Variants in EFHC1 observed in about 807,000 individuals in gnomAD.
EFHC1 encodes the protein EF-hand domain containing 1, also known as EF-hand domain-containing protein 1.
EFHC1 carries 53 observed loss-of-function variants against 69.9 expected under a neutral mutation model. That is an observed-to-expected ratio of 0.76 (90% CI 0.61 to 0.95). The LOEUF (loss-of-function observed/expected upper bound fraction) is 0.95. Ranked by LOEUF, EFHC1 falls within the 40% of genes least tolerant of loss-of-function variation. The pLI is 0.00. For missense variants in EFHC1, 739 were observed against 798.7 expected, an observed-to-expected ratio of 0.93 and a Z score of 0.90; for synonymous variants, 256 against 278.4, an observed-to-expected ratio of 0.92 and a Z score of 0.80.
chr6:52,488,198 G>A (rs1481849882), intron 9 of EFHC1: 1 of 152,130 alleles, frequency 6.6e-6, no homozygotes, highest in East Asian at 1.9e-4. Context: ...CAAGATTGAG[G>A]TTTGACTGCT....
rs963315400 is a variant in EFHC1 at position 52,436,990 on chromosome 6, C to T, written c.286-1314C>T. On this transcript the variant is annotated intron_variant, in intron 2 of 10. Coordinates refer to ENST00000371068, the MANE Select transcript of EFHC1 (RefSeq NM_018100.4). The stretch of plus-strand genomic sequence containing the variant: ...AATCTATATATTGATACCATGTTGA[C>T]TTCACATTGATGATGATGCTCCCCA... 1.3e-4 allele frequency among the ~76,000 whole-genome samples: 20 copies of T among 152,124 alleles called. 1 individual carries two copies. Among genetic ancestry groups the T allele is most frequent in the Admixed American group, 7.2e-4 (11 of 15,256 alleles).
chr6:52,486,107 A>G (rs938717945), intron 9 of EFHC1: 2 of 152,196 alleles, frequency 1.3e-5, no homozygotes, highest in Non-Finnish European at 2.9e-5. Flanking sequence ...TGCAGTTACA[A>G]ATATATTTTG....
intron 2 of EFHC1, among the ~76,000 whole-genome samples, chr6:52,426,044 TTTCATCTTC>T (rs1764293774): frequency 6.6e-6 from 1 of 152,240 alleles, no homozygotes; most frequent in Admixed American, 6.5e-5. Flanking sequence ...CTTTCATCTT[TTTCATCTTC>T]AAGTTTCATA....
At chr6:52,468,238 A>G (rs1294582767) in intron 6 of EFHC1, among the ~76,000 whole-genome samples, 2 of 152,186 alleles carry the variant, frequency 1.3e-5, no homozygotes, top group Non-Finnish European at 2.9e-5. Context: ...GCTTGGTTGA[A>G]GATGTCCAGA....
At position 52,479,753 on chromosome 6, in the gene EFHC1, C is replaced by T. The variant is rs779990464; in HGVS notation, c.1606C>T (p.Arg536Ter). The change falls in exon 9 of 11, where the codon CGA becomes TGA. Residue 536 changes from arginine to a stop codon, truncating the protein, a stop_gained. Coordinates refer to ENST00000371068, the MANE Select transcript of EFHC1 (RefSeq NM_018100.4). LOFTEE classifies it high-confidence loss of function. The part of the protein sequence containing the change: ...EALASIQNHV[R>*]KREAPAPEAE... ...ACTCGCGTCAATTCAGAACCATGTC[C>T]GAAAGCGAGAAGCGCCTGCTCCAGA... 1.2e-5 allele frequency: 19 copies of T among 1,614,026 alleles called. No individual in the cohort carries two copies. The highest frequency in any genetic ancestry group is 4.4e-5 in the South Asian group (4 of 91,080).
At chr6:52,466,725 C>A (rs1765314524) in intron 6 of EFHC1, among the ~76,000 whole-genome samples, 1 of 152,030 alleles carries the variant, frequency 6.6e-6, no homozygotes. Flanking sequence ...AGGTGTTCTG[C>A]AAAAAGGAAG....
intron 2 of EFHC1, among the ~76,000 whole-genome samples, chr6:52,433,837 G>A (rs1010949902): frequency 6.6e-6 from 1 of 152,102 alleles, no homozygotes; most frequent in African/African-American, 2.4e-5. Context: ...ACTCTCCTTG[G>A]GCAGGTCTTG....
chr6:52,469,545 T>A, intron 7 of EFHC1, 72 bp downstream of exon 7: 1 of 1,592,122 alleles, frequency 6.3e-7, no homozygotes. Context: ...ATTTTATCTG[T>A]AAGCTGTAGA....
In EFHC1 at chr6:52,494,976, T is replaced by C; in HGVS notation, c.*2635T>C. On this transcript the variant is annotated 3_prime_UTR_variant, in exon 11 of 11. Transcript: ENST00000371068. ...GCACCTAGGTTGATTCCATGTCCTT[T>C]GCTCAGAGCCCCGTTTTGGTGAGTT... The C allele has an allele frequency of 2.2e-6, 1 of 454,118 alleles. No individual in the cohort carries two copies. Among genetic ancestry groups the C allele is most frequent in the Non-Finnish European group, 4.4e-6 (1 of 226,794 alleles). The allele number at this position is 454,118 out of a possible 1,614,324, so 28.1% of individuals were successfully genotyped here.
At chr6:52,486,979 AG>A (rs1253248773) in intron 9 of EFHC1, 1 of 152,152 alleles carries the variant, frequency 6.6e-6, no homozygotes, top group Non-Finnish European at 1.5e-5. Context: ...ATGAGAGAAT[AG>A]GGAGCTCATA....
At chr6:52,485,897 G>A (rs147222618) in intron 9 of EFHC1, 1 of 152,216 alleles carries the variant, frequency 6.6e-6, no homozygotes, top group East Asian at 1.9e-4. Context: ...AATGGACTAC[G>A]ACATGGGGTA....
intron 9 of EFHC1, chr6:52,482,164 A>G (rs1235779159): frequency 1.3e-5 from 2 of 151,966 alleles, no homozygotes; most frequent in East Asian, 3.9e-4. Context: ...AACATGGTGA[A>G]CCCCCGTCTC....
At chr6:52,458,575 G>T (rs1182039194) in intron 5 of EFHC1, among the ~76,000 whole-genome samples, 1 of 152,152 alleles carries the variant, frequency 6.6e-6, no homozygotes, top group Non-Finnish European at 1.5e-5. Context: ...AATCATCAGA[G>T]GGATGCAATC....
chr6:52,438,675 G>GGGA (rs1764592242), intron 3 of EFHC1, 84 bp downstream of exon 3: 1 of 1,448,570 alleles, frequency 6.9e-7, no homozygotes, highest in Non-Finnish European at 9.7e-7. Context: ...TTAGGGTAAG[G>GGGA]GGAGGACATT....
chr6:52,490,601 T>A (rs914901079), intron 10 of EFHC1: 2 of 595,632 alleles, frequency 3.4e-6, no homozygotes, highest in African/African-American at 3.7e-5. Flanking sequence ...TAGACCAACA[T>A]GTCAGGACTG....
chr6:52,488,684 CTCTT>C (rs1218638853), intron 9 of EFHC1: 2 of 152,156 alleles, frequency 1.3e-5, no homozygotes, highest in Non-Finnish European at 2.9e-5. Context: ...AGGTAACTAC[CTCTT>C]TCATTTATTT....
At chr6:52,457,202 A>C (rs1230635688) in intron 5 of EFHC1, among the ~76,000 whole-genome samples, 1 of 152,234 alleles carries the variant, frequency 6.6e-6, no homozygotes, top group Non-Finnish European at 1.5e-5. Flanking sequence ...CAAGGCATAT[A>C]AAATACACAA....
rs767853115 is a variant in EFHC1 at position 52,492,544 on chromosome 6, G to C, written c.*203G>C. 2.9e-6 allele frequency: 2 copies of C among 685,876 alleles called. No individual in the cohort carries two copies. The highest frequency in any genetic ancestry group is 3.0e-5 in the South Asian group (2 of 66,556). The allele number at this position is 685,876 out of a possible 1,614,324, so 42.5% of individuals were successfully genotyped here. The stretch of plus-strand genomic sequence containing the variant: ...CCTTATTTAGGGTGATAGGGGTATA[G>C]CAATGTCTAATTTTGTGTGTCAAAT... On this transcript the variant is annotated 3_prime_UTR_variant, in exon 11 of 11. Transcript: ENST00000371068.
At chr6:52,442,290 A>G (rs1025053104) in intron 3 of EFHC1, among the ~76,000 whole-genome samples, 2 of 151,660 alleles carry the variant, frequency 1.3e-5, no homozygotes, top group African/African-American at 2.4e-5. Context: ...TACCTAGTTT[A>G]TTTATTTATT....
Sources: allele counts gnomAD v4.1 joint callset (sites outside exome capture counted in the v4.1 genomes callset), GRCh38; gene constraint gnomAD v4.1.1; transcripts MANE v1.5; gene names NCBI Gene and HGNC (gene_info 2026-07-23, HGNC 2026-07-21).